LIN28B: variants seen among roughly 807,000 people sequenced by gnomAD.
LIN28B encodes protein lin-28 homolog B.
In LIN28B, 5 loss-of-function variants were observed where a neutral mutation model predicts 21.9. That is an observed-to-expected ratio of 0.23 (90% CI 0.12 to 0.48). LIN28B has a LOEUF of 0.48. Ranked by LOEUF, LIN28B falls within the 20% of genes least tolerant of loss-of-function variation. The pLI is 0.98. For missense variants in LIN28B, 245 were observed against 310.5 expected, an observed-to-expected ratio of 0.79 and a Z score of 1.58; for synonymous variants, 109 against 111.3, an observed-to-expected ratio of 0.98 and a Z score of 0.13.
chr6:105,078,207 A>G (rs1437299471), intron 3 of LIN28B, among the ~76,000 whole-genome samples: 1 of 150,414 alleles, frequency 6.6e-6, no homozygotes, highest in Non-Finnish European at 1.5e-5. Context: ...GTCTCACACA[A>G]CTAAGTTTTT....
chr6:105,019,875 G>A (rs1397106321), intron 2 of LIN28B, among the ~76,000 whole-genome samples: 2 of 152,072 alleles, frequency 1.3e-5, no homozygotes, highest in African/African-American at 4.8e-5. Flanking sequence ...GGTCTGTTCA[G>A]CCTGCCATCT....
intron 3 of LIN28B, among the ~76,000 whole-genome samples, chr6:105,064,342 G>GC (rs1264915870): frequency 1.2e-4 from 19 of 152,228 alleles, no homozygotes; most frequent in African/African-American, 4.6e-4. Context: ...GCCAAAACTG[G>GC]CTTTTTCCAC....
chr6:105,023,628 T>TTTATATATA (rs1771219751), intron 2 of LIN28B, among the ~76,000 whole-genome samples: 3 of 46,592 alleles, frequency 6.4e-5, no homozygotes, highest in African/African-American at 8.3e-5. Context: ...TATTATATAT[T>TTTATATATA]TTATATATAT....
intron 2 of LIN28B, among the ~76,000 whole-genome samples, chr6:104,960,594 G>A (rs1409066805): frequency 6.6e-6 from 1 of 151,756 alleles, no homozygotes; most frequent in African/African-American, 2.4e-5. Context: ...GTGTTTGGAA[G>A]TACATGTGTC....
intron 3 of LIN28B, among the ~76,000 whole-genome samples, chr6:105,066,327 AAG>A (rs1772219108): frequency 6.6e-6 from 1 of 152,210 alleles, no homozygotes; most frequent in Non-Finnish European, 1.5e-5. Flanking sequence ...AGTTGCATCA[AAG>A]GTAACCCAGT....
chr6:105,035,584 CT>C (rs1251009345), intron 3 of LIN28B, among the ~76,000 whole-genome samples: 16 of 152,082 alleles, frequency 1.1e-4, no homozygotes, highest in Middle Eastern at 3.2e-3. Context: ...AAATAGTTTG[CT>C]TATTTTAAAC....
intron 3 of LIN28B, among the ~76,000 whole-genome samples, chr6:105,063,791 A>C (rs1016741160): frequency 2.0e-5 from 3 of 151,814 alleles, no homozygotes; most frequent in African/African-American, 7.3e-5. Context: ...AGTCATGCCT[A>C]TGAATAACCC....
chr6:105,021,034 C>G (rs1246923499), intron 2 of LIN28B, among the ~76,000 whole-genome samples: 1 of 152,096 alleles, frequency 6.6e-6, no homozygotes, highest in African/African-American at 2.4e-5. Context: ...GGATTACAAG[C>G]GTGAGCCACC....
intron 3 of LIN28B, among the ~76,000 whole-genome samples, chr6:105,048,641 G>A (rs1361132448): frequency 6.6e-6 from 1 of 152,140 alleles, no homozygotes; most frequent in African/African-American, 2.4e-5. Flanking sequence ...GAATCCATCT[G>A]CTCCTGGACT....
chr6:105,014,883 A>T (rs1298976960), intron 2 of LIN28B, among the ~76,000 whole-genome samples: 6 of 152,016 alleles, frequency 3.9e-5, no homozygotes, highest in African/African-American at 1.4e-4. Context: ...AAAAATTTTT[A>T]AATTTCCCGT....
At chr6:105,061,672 A>T (rs1772123790) in intron 3 of LIN28B, among the ~76,000 whole-genome samples, 1 of 152,096 alleles carries the variant, frequency 6.6e-6, no homozygotes, top group Non-Finnish European at 1.5e-5. Flanking sequence ...CAACCAAATG[A>T]AGTAAGTGGA....
chr6:104,995,142 G>A (rs903278), intron 2 of LIN28B, among the ~76,000 whole-genome samples: 1 of 152,164 alleles, frequency 6.6e-6, no homozygotes, highest in Non-Finnish European at 1.5e-5. Context: ...TTTTGGATAA[G>A]GGATACTCAG....
intron 3 of LIN28B, among the ~76,000 whole-genome samples, chr6:105,040,263 A>G (rs958876196): frequency 6.6e-6 from 1 of 152,068 alleles, no homozygotes; most frequent in Non-Finnish European, 1.5e-5. Flanking sequence ...CAGTTTCATC[A>G]TATTTATCAG....
intron 2 of LIN28B, among the ~76,000 whole-genome samples, chr6:105,020,105 T>C (rs1771105971): frequency 1.4e-5 from 2 of 146,912 alleles, no homozygotes; most frequent in South Asian, 2.1e-4. Flanking sequence ...ATTCCTGTTA[T>C]TCTTTTTTTT....
At chr6:105,037,584 CTT>C (rs1771547114) in intron 3 of LIN28B, among the ~76,000 whole-genome samples, 1 of 147,690 alleles carries the variant, frequency 6.8e-6, no homozygotes, top group Non-Finnish European at 1.5e-5. Flanking sequence ...GCAGTCTTGG[CTT>C]ACTGCAACCT....
chr6:105,058,563 A>G (rs2114397417), intron 3 of LIN28B, among the ~76,000 whole-genome samples: 1 of 152,238 alleles, frequency 6.6e-6, no homozygotes, highest in East Asian at 1.9e-4. Context: ...TGACCTCCCT[A>G]GTTTTCTGCT....
chr6:105,042,682 G>C (rs1771661136), intron 3 of LIN28B, among the ~76,000 whole-genome samples: 1 of 151,288 alleles, frequency 6.6e-6, no homozygotes, highest in Non-Finnish European at 1.5e-5. Flanking sequence ...CATGTTTTTA[G>C]TTCCAGAGAG....
chr6:104,937,418 G>A (rs1778023129), intron 2 of LIN28B, among the ~76,000 whole-genome samples: 2 of 152,140 alleles, frequency 1.3e-5, no homozygotes, highest in South Asian at 2.1e-4. Context: ...GGGACTACAG[G>A]CGCCCGCCAC....
At chr6:105,078,321 C>A in intron 3 of LIN28B, 93 bp from the exon 4 acceptor site, 1 of 1,131,242 alleles carries the variant, frequency 8.8e-7, no homozygotes, top group Non-Finnish European at 1.3e-6. Context: ...ATAAGCTTAT[C>A]TCATTGGTAG....
Sources: gnomAD v4.1 joint callset for allele counts (sites outside exome capture counted in the v4.1 genomes callset) on GRCh38, gnomAD v4.1.1 for gene constraint, MANE v1.5 for transcripts, NCBI Gene and HGNC (gene_info 2026-07-23, HGNC 2026-07-21) for gene names.